Variants in SLC26A7 observed in about 807,000 individuals in gnomAD.
SLC26A7 encodes anion exchange transporter.
In SLC26A7, 59 loss-of-function variants were observed where a neutral mutation model predicts 82.5. The observed-to-expected ratio is 0.72, with a 90% confidence interval of 0.58 to 0.89. The LOEUF (loss-of-function observed/expected upper bound fraction) is 0.89, where lower values mean the gene tolerates loss of function less well. Ranked by LOEUF, SLC26A7 falls within the 40% of genes least tolerant of loss-of-function variation. SLC26A7 has a pLI of 0.00. For synonymous variants in SLC26A7, 271 were observed against 274.3 expected (o/e 0.99, Z 0.12); for missense variants, 820 against 793.0 (o/e 1.03, Z -0.41).
Position 91,330,104 on chromosome 8 carries a change from C to T in SLC26A7, c.643-4191C>T, listed in dbSNP as rs111407352. Among the ~76,000 whole-genome samples the T allele has an allele frequency of 1.4e-3, 207 of 152,204 alleles. 2 individuals carry two copies. The highest frequency in any genetic ancestry group is 4.8e-3 in the African/African-American group (200 of 41,538). On this transcript the variant is annotated intron_variant, in intron 5 of 18. Coordinates refer to ENST00000276609, the MANE Select transcript of SLC26A7 (RefSeq NM_052832.4). The stretch of plus-strand genomic sequence containing the variant: ...AAGCAAAGCTACCTGACCCCTAATA[C>T]GTTTATTAATGTATCTGATTACATA...
intron 11 of SLC26A7, among the ~76,000 whole-genome samples, chr8:91,357,092 T>G (rs764691381): frequency 3.3e-4 from 50 of 152,214 alleles, no homozygotes; most frequent in Non-Finnish European, 4.7e-4. Context: ...CCTTTCACTC[T>G]ACAGTCATCT....
Position 91,395,471 on chromosome 8 carries a change from G to T in SLC26A7, c.*374G>T, listed in dbSNP as rs35588710. ...CATAGGTAATTTGGAACATTTACAA[G>T]CCATTTGTAAAATTTTAAGATAATC... On this transcript the variant is annotated 3_prime_UTR_variant, in exon 19 of 19. Transcript: ENST00000276609. 14,707 of 195,752 alleles carry T rather than the reference G, an allele frequency of 0.075. 715 individuals carry two copies. The highest frequency in any genetic ancestry group is 0.15 in the African/African-American group (6,424 of 42,400). 12.1% of individuals were successfully genotyped at this position (195,752 alleles called of 1,614,324 possible). A position where few individuals can be genotyped will look rare whatever the true frequency, so the allele number is the denominator to read the frequency against.
Position 91,352,931 on chromosome 8 carries a change from C to T in SLC26A7, c.1249C>T (p.Leu417=). 1 of 1,607,842 alleles carries T rather than the reference C, an allele frequency of 6.2e-7. No homozygotes were observed. The highest frequency in any genetic ancestry group is 1.1e-5 in the South Asian group (1 of 90,118). The change falls in exon 11 of 19, where the codon CTG becomes TTG. Residue 417 remains leucine (L), a synonymous_variant. Coordinates refer to ENST00000276609, the MANE Select transcript of SLC26A7 (RefSeq NM_052832.4). The stretch of plus-strand genomic sequence containing the variant: ...CCTTGCAAGCATTATTGTTGTGGGA[C>T]TGAAGGGAATGCTAATACAGTTCCG... ...CVLASIIVVG[L]KGMLIQFRDL... is the part of the protein sequence containing the mutation.
At chr8:91,211,399 G>T (rs963018858) in intron 1 of SLC26A7, among the ~76,000 whole-genome samples, 63 of 151,226 alleles carry the variant, frequency 4.2e-4, no homozygotes, top group African/African-American at 1.5e-3. Flanking sequence ...AGAAAATTGA[G>T]ATTTGAATAT....
At chr8:91,369,862 C>G (rs368382300) in intron 15 of SLC26A7, 29 bp downstream of exon 15, 190 of 1,564,286 alleles carry the variant, frequency 1.2e-4, no homozygotes, top group Non-Finnish European at 1.4e-4. Context: ...AAAAGAAAAT[C>G]TAAGTGTTTA....
At chr8:91,242,523 G>C (rs1810488364) in intron 2 of SLC26A7, among the ~76,000 whole-genome samples, 2 of 152,156 alleles carry the variant, frequency 1.3e-5, no homozygotes, top group African/African-American at 4.8e-5. Flanking sequence ...ATGGAATCTA[G>C]AGACAGGGCC....
intron 2 of SLC26A7, among the ~76,000 whole-genome samples, chr8:91,228,873 A>G (rs973077004): frequency 1.3e-5 from 2 of 152,234 alleles, no homozygotes; most frequent in Non-Finnish European, 2.9e-5. Context: ...TTCAAGTAAC[A>G]TTGGTTTGAA....
At chr8:91,344,295 C>A in intron 9 of SLC26A7, 3 of 744,436 alleles carry the variant, frequency 4.0e-6, no homozygotes, top group Non-Finnish European at 3.3e-6. Flanking sequence ...TAGTAAATGG[C>A]AGAGCCGGGA....
At chr8:91,314,369 G>C (rs1252784837) in intron 4 of SLC26A7, among the ~76,000 whole-genome samples, 1 of 152,158 alleles carries the variant, frequency 6.6e-6, no homozygotes. Context: ...TGCAAAGCCT[G>C]TGTTGCTTGT....
chr8:91,339,661 T>TTTAA (rs1025411834), intron 7 of SLC26A7, among the ~76,000 whole-genome samples: 4 of 146,334 alleles, frequency 2.7e-5, no homozygotes, highest in African/African-American at 4.9e-5. Context: ...TATTTATTTA[T>TTTAA]TTAATTTATT....
intron 18 of SLC26A7, 112 bp downstream of exon 18, chr8:91,394,151 GC>G (rs1808499482): frequency 2.5e-6 from 4 of 1,595,352 alleles, no homozygotes; most frequent in East Asian, 2.3e-5. Context: ...AAATCTGTTA[GC>G]CCCCCACCCC....
At chr8:91,274,719 T>G (rs1811361630) in intron 2 of SLC26A7, among the ~76,000 whole-genome samples, 1 of 152,190 alleles carries the variant, frequency 6.6e-6, no homozygotes, top group Non-Finnish European at 1.5e-5. Context: ...AATTGATATA[T>G]CTCCAGTGCC....
chr8:91,307,681 G>T (rs1812355167), intron 4 of SLC26A7, among the ~76,000 whole-genome samples: 2 of 131,410 alleles, frequency 1.5e-5, no homozygotes, highest in South Asian at 2.8e-4. Flanking sequence ...GATAGCATTG[G>T]GAGATATACC....
chr8:91,227,383 C>G (rs1268458762), intron 2 of SLC26A7, among the ~76,000 whole-genome samples: 3 of 152,084 alleles, frequency 2.0e-5, no homozygotes, highest in Non-Finnish European at 4.4e-5. Flanking sequence ...GTTATAAACT[C>G]TTAACATCTA....
chr8:91,343,961 A>G (rs1813490355), intron 9 of SLC26A7: 3 of 764,438 alleles, frequency 3.9e-6, no homozygotes, highest in Non-Finnish European at 4.8e-6. Flanking sequence ...TCAATTTGAC[A>G]TCTATTGAGG....
chr8:91,353,009 T>A lies in SLC26A7; in HGVS notation c.1314+13T>A. Reference sequence around the variant, plus strand: ...TAAAATCGATTGGGTAAGTAGAAATTTGACCTAAAACAATCCCTTTTTAGC... The same window carrying A: ...TAAAATCGATTGGGTAAGTAGAAATATGACCTAAAACAATCCCTTTTTAGC... On this transcript the variant is annotated intron_variant, in intron 11 of 18. Transcript: ENST00000276609. 6.3e-7 allele frequency: 1 copy of A among 1,579,516 alleles called. No homozygotes were observed. Among genetic ancestry groups the A allele is most frequent in the Non-Finnish European group, 8.7e-7 (1 of 1,155,474 alleles).
intron 2 of SLC26A7, among the ~76,000 whole-genome samples, chr8:91,264,482 C>T (rs1289730725): frequency 6.6e-6 from 1 of 151,966 alleles, no homozygotes; most frequent in East Asian, 1.9e-4. Flanking sequence ...AAAGAATAAA[C>T]CTGGAAAACC....
rs192131449 is a variant in SLC26A7 at position 91,249,646 on chromosome 8, T to C, written c.-6T>C. On this transcript the variant is annotated 5_prime_UTR_variant, in exon 2 of 19. Coordinates refer to ENST00000276609, the MANE Select transcript of SLC26A7 (RefSeq NM_052832.4). ...AAGTTTACTTCTACAAGAAGAAATC[T>C]GAAAAATGACAGGAGCAAAGAGGAA... 1.1e-4 allele frequency: 171 copies of C among 1,503,318 alleles called. No homozygotes were observed. In the African/African-American group the frequency reaches 2.1e-3, roughly 19 times the overall value. The allele number at this position is 1,503,318 out of a possible 1,614,324, so 93.1% of individuals were successfully genotyped here.
At chr8:91,234,831 C>A (rs200728748) in intron 2 of SLC26A7, among the ~76,000 whole-genome samples, 2,825 of 99,672 alleles carry the variant, frequency 0.028, 29 homozygotes, top group Non-Finnish European at 0.038. Flanking sequence ...CTACCTACTT[C>A]CTTCCTTCCT....
Sources: gnomAD v4.1 joint callset for allele counts (sites outside exome capture counted in the v4.1 genomes callset) on GRCh38, gnomAD v4.1.1 for gene constraint, MANE v1.5 for transcripts, NCBI Gene and HGNC (gene_info 2026-07-23, HGNC 2026-07-21) for gene names.